Variants in MBD2 observed in about 807,000 individuals in gnomAD.
MBD2 encodes methyl-CpG binding domain protein 2.
MBD2 carries 9 observed loss-of-function variants against 39.3 expected under a neutral mutation model. The ratio of observed to expected loss-of-function variants is 0.23; its 90% CI spans 0.14 to 0.40. MBD2 has a LOEUF of 0.40. Among genes scored for constraint, MBD2 ranks in the 10% least tolerant of loss-of-function variants. MBD2 has a pLI of 1.00. For synonymous variants in MBD2, 233 were observed against 211.1 expected, an observed-to-expected ratio of 1.10 and a Z score of -0.90; for missense variants, 458 against 532.6, an observed-to-expected ratio of 0.86 and a Z score of 1.38.
chr18:54,188,633 C>T (rs746909192), intron 3 of MBD2, among the ~76,000 whole-genome samples: 2 of 151,982 alleles, frequency 1.3e-5, no homozygotes, highest in Admixed American at 6.5e-5. Flanking sequence ...TATTACCACA[C>T]GAAAAGCATA....
chr18:54,208,659 T>C (rs1377581501), intron 1 of MBD2, among the ~76,000 whole-genome samples: 2 of 152,244 alleles, frequency 1.3e-5, no homozygotes, highest in Non-Finnish European at 1.5e-5. Flanking sequence ...ATACTGTTCT[T>C]AGCTTATGGC....
chr18:54,205,426 T>C (rs1011164140), intron 1 of MBD2, among the ~76,000 whole-genome samples: 11 of 150,752 alleles, frequency 7.3e-5, no homozygotes, highest in Non-Finnish European at 1.5e-4. Flanking sequence ...AATAAAAAAA[T>C]AAAAAATACA....
At chr18:54,166,678 A>G (rs911286858) in intron 3 of MBD2, among the ~76,000 whole-genome samples, 2 of 152,206 alleles carry the variant, frequency 1.3e-5, no homozygotes, top group Non-Finnish European at 2.9e-5. Context: ...AAAGTTTTCT[A>G]AAATGTTTTA....
chr18:54,185,768 C>A (rs959081069), intron 3 of MBD2, among the ~76,000 whole-genome samples: 1 of 152,100 alleles, frequency 6.6e-6, no homozygotes, highest in African/African-American at 2.4e-5. Flanking sequence ...AAAAGACAAG[C>A]AATCATCAAA....
intron 1 of MBD2, among the ~76,000 whole-genome samples, chr18:54,219,476 T>C (rs1226821577): frequency 6.6e-6 from 1 of 152,166 alleles, no homozygotes; most frequent in Non-Finnish European, 1.5e-5. Flanking sequence ...AAGTTCTAAG[T>C]AAATGAATAT....
intron 5 of MBD2, among the ~76,000 whole-genome samples, chr18:54,161,488 T>C (rs146330270): frequency 6.6e-6 from 1 of 152,310 alleles, no homozygotes; most frequent in African/African-American, 2.4e-5. Context: ...AAATGACATA[T>C]TGGTTTCACT....
chr18:54,204,486 A>G (rs1368171823), intron 2 of MBD2, among the ~76,000 whole-genome samples: 4 of 152,226 alleles, frequency 2.6e-5, no homozygotes, highest in South Asian at 2.1e-4. Flanking sequence ...ACAATAAACT[A>G]TCAACCAAAC....
rs1211680233 is a variant in MBD2 at position 54,206,897 on chromosome 18, C to T, written c.543-1740G>A. ...AATAGCAAGTCACTCGCAATATTGT[C>T]CGAAACTTGAACCATCTCTGCCCAC... On this transcript the variant is annotated intron_variant, in intron 1 of 6. Transcript: ENST00000256429. Among the ~76,000 whole-genome samples the T allele has an allele frequency of 2.6e-5, 4 of 152,182 alleles. No homozygotes were observed. In the South Asian group the frequency reaches 8.3e-4, roughly 31 times the overall value.
chr18:54,167,886 G>C (rs1366388796), intron 3 of MBD2, among the ~76,000 whole-genome samples: 1 of 150,710 alleles, frequency 6.6e-6, no homozygotes, highest in Non-Finnish European at 1.5e-5. Context: ...AACCTGCCCT[G>C]CCTGCTTTCT....
At chr18:54,189,809 G>A (rs904523733) in intron 2 of MBD2, among the ~76,000 whole-genome samples, 18 of 151,752 alleles carry the variant, frequency 1.2e-4, no homozygotes, top group Non-Finnish European at 4.4e-5. Context: ...CCACCAGCAG[G>A]CTAAGTTTTT....
intron 3 of MBD2, among the ~76,000 whole-genome samples, chr18:54,183,631 G>A (rs1247598952): frequency 6.6e-6 from 1 of 152,170 alleles, no homozygotes; most frequent in Non-Finnish European, 1.5e-5. Flanking sequence ...GTTTCAGTGA[G>A]AACAAAAGCT....
intron 2 of MBD2, among the ~76,000 whole-genome samples, chr18:54,197,912 A>G (rs930732728): frequency 6.6e-6 from 1 of 152,188 alleles, no homozygotes; most frequent in Non-Finnish European, 1.5e-5. Context: ...CCTACGACCT[A>G]TTCGTTCCCC....
rs2086645414 is a variant in MBD2, at chr18:54,224,466, T to C, written c.94A>G (p.Ile32Val). 8.1e-7 allele frequency: 1 copy of C among 1,230,910 alleles called. No individual in the cohort carries two copies. The highest frequency in any genetic ancestry group is 1.0e-6 in the Non-Finnish European group (1 of 989,186). 76.2% of individuals were successfully genotyped at this position (1,230,910 alleles called of 1,614,324 possible). ...GGSGAGGDSAIEQGGQGSALA... is the reference protein window; with the variant it reads ...GGSGAGGDSAVEQGGQGSALA... ...GCGCTGCCCTGGCCCCCCTGCTCTA[T>C]GGCGGAGTCGCCGCCAGCGCCGCTG... The change falls in exon 1 of 7, where the codon ATA becomes GTA. Residue 32 changes from isoleucine (I) to valine (V), a missense_variant. This residue lies in a region of MBD2 where 269 missense variants were observed against 236.0 expected (regional missense o/e 1.14). Transcript: ENST00000256429.
chr18:54,192,506 C>A (rs761020526), intron 2 of MBD2, among the ~76,000 whole-genome samples: 4 of 152,196 alleles, frequency 2.6e-5, no homozygotes, highest in Admixed American at 6.5e-5. Flanking sequence ...GCTGGGATTA[C>A]AGACATGAGC....
intron 2 of MBD2, among the ~76,000 whole-genome samples, chr18:54,200,226 G>C (rs964821375): frequency 5.9e-5 from 9 of 152,058 alleles, no homozygotes; most frequent in African/African-American, 2.2e-4. Context: ...GATACCAGTA[G>C]TATTGTCAAG....
intron 1 of MBD2, among the ~76,000 whole-genome samples, chr18:54,216,684 C>G (rs8097780): frequency 6.6e-6 from 1 of 152,000 alleles, no homozygotes; most frequent in Admixed American, 6.6e-5. Context: ...TTTAAGGACA[C>G]GCATCCTTGC....
At chr18:54,194,398 C>A (rs2086348225) in intron 2 of MBD2, among the ~76,000 whole-genome samples, 1 of 151,926 alleles carries the variant, frequency 6.6e-6, no homozygotes, top group African/African-American at 2.4e-5. Context: ...TAATCTTTCA[C>A]TGATCATGAA....
intron 3 of MBD2, among the ~76,000 whole-genome samples, chr18:54,179,938 G>GGAAAGTAAGAAAAA (rs2086238583): frequency 6.6e-6 from 1 of 150,864 alleles, no homozygotes; most frequent in Admixed American, 6.6e-5. Flanking sequence ...AAAGAAAGAA[G>GGAAAGTAAGAAAAA]GAAAGAAAGA....
Position 54,171,793 on chromosome 18 carries a change from C to G in MBD2, c.841-5627G>C, listed in dbSNP as rs559507643. Among the ~76,000 whole-genome samples, 7 of 152,304 alleles carry G rather than the reference C, an allele frequency of 4.6e-5. No individual in the cohort carries two copies. The South Asian group carries it at 1.0e-3, about 23-fold the overall frequency. ...CTGTACAGAAATTCAGTTAAACTTT[C>G]CTGCAGCATTTTGGAGAAGATATTA... On this transcript the variant is annotated intron_variant, in intron 3 of 6. Transcript: ENST00000256429.
Sources: gnomAD v4.1 joint callset for allele counts (sites outside exome capture counted in the v4.1 genomes callset) on GRCh38, gnomAD v4.1.1 for gene constraint, gnomAD v4.1.1 regional missense constraint, MANE v1.5 for transcripts, NCBI Gene and HGNC (gene_info 2026-07-23, HGNC 2026-07-21) for gene names.